Variants in FAM133A observed in about 807,000 individuals in gnomAD.
The protein encoded by FAM133A is protein FAM133A.
For synonymous variants in FAM133A, 65 were observed against 58.6 expected (o/e 1.11, Z -0.50); for missense variants, 159 against 164.4 (o/e 0.97, Z 0.18).
At chrX:93,677,852 A>T (rs191603026) in intron 2 of FAM133A, among the ~76,000 whole-genome samples, 222 of 111,935 alleles carry the variant, frequency 2.0e-3, no homozygotes, top group Non-Finnish European at 2.5e-3. Flanking sequence ...GGCTACTACA[A>T]ATAAGGCTGC....
chrX:93,675,182 A>G (rs1924592251), intron 2 of FAM133A, among the ~76,000 whole-genome samples: 4 of 111,968 alleles, frequency 3.6e-5, no homozygotes, highest in Admixed American at 9.5e-5. Context: ...AAAACAATAT[A>G]GAAAATTCCA....
chrX:93,693,175 A>G (rs1173708048), intron 2 of FAM133A, among the ~76,000 whole-genome samples: 1 of 111,463 alleles, frequency 9.0e-6, no homozygotes, highest in Non-Finnish European at 1.9e-5. Flanking sequence ...TTTCTGACAA[A>G]CTAATGACAT....
chrX:93,677,680 A>G, intron 2 of FAM133A, among the ~76,000 whole-genome samples: 1 of 111,985 alleles, frequency 8.9e-6, no homozygotes, highest in East Asian at 2.8e-4. Flanking sequence ...GGAATAATGT[A>G]GTATGTTCCT....
intron 2 of FAM133A, among the ~76,000 whole-genome samples, chrX:93,697,418 T>C (rs1926381121): frequency 9.1e-6 from 1 of 110,320 alleles, no homozygotes; most frequent in African/African-American, 3.3e-5. Context: ...ATATTTGTGG[T>C]ATTAAAAGTA....
chrX:93,679,747 CTTTT>C (rs752855592), intron 2 of FAM133A, among the ~76,000 whole-genome samples: 4 of 58,779 alleles, frequency 6.8e-5, no homozygotes, highest in African/African-American at 2.2e-4. Context: ...TGAAATGTGT[CTTTT>C]TTTTTTTTTT....
At chrX:93,699,876 G>A (rs893133505) in intron 3 of FAM133A, among the ~76,000 whole-genome samples, 1 of 110,777 alleles carries the variant, frequency 9.0e-6, no homozygotes, top group Admixed American at 9.7e-5. Context: ...ATATCTTAGA[G>A]CCTCCCCCCA....
intron 3 of FAM133A, among the ~76,000 whole-genome samples, chrX:93,700,355 A>G (rs1926608257): frequency 9.1e-6 from 1 of 110,435 alleles, no homozygotes; most frequent in Non-Finnish European, 1.9e-5. Context: ...GCCTTCTCTA[A>G]TACCAGTGTG....
chrX:93,690,245 C>A (rs753015520), intron 2 of FAM133A, among the ~76,000 whole-genome samples: 1 of 111,198 alleles, frequency 9.0e-6, no homozygotes, highest in African/African-American at 3.3e-5. Flanking sequence ...TAATTACATA[C>A]CATAAATTTC....
chrX:93,684,361 G>A lies in FAM133A; in HGVS notation c.-193+9609G>A, dbSNP rs140261024. ...TTTCTGTTCTGTTCTATTGAACTAC[G>A]TGCCTCTTTTTATGCCAGAAGTCAA... is the stretch of plus-strand genomic sequence containing the variant. On this transcript the variant is annotated intron_variant, in intron 2 of 3. Transcript: ENST00000683942. Among the ~76,000 whole-genome samples, 26 of 111,842 alleles carry A rather than the reference G, an allele frequency of 2.3e-4. No individual in the cohort carries two copies. The East Asian group carries it at 7.0e-3, about 30-fold the overall frequency.
chrX:93,698,160 A>G (rs980303400), intron 2 of FAM133A, among the ~76,000 whole-genome samples: 4 of 111,486 alleles, frequency 3.6e-5, no homozygotes, highest in African/African-American at 9.8e-5. Flanking sequence ...TATAGTAGAT[A>G]GTTGTTTACA....
rs191512062 is a variant in FAM133A, at chrX:93,680,844, C to A, written c.-193+6092C>A. Reference sequence around the variant, plus strand: ...CTTATATATTTTGAATATTTAACTCCTTATCATATGTTTGGTTTGCAAATA... The same window carrying A: ...CTTATATATTTTGAATATTTAACTCATTATCATATGTTTGGTTTGCAAATA... On this transcript the variant is annotated intron_variant, in intron 2 of 3. Transcript: ENST00000683942. 3.9e-3 allele frequency among the ~76,000 whole-genome samples: 439 copies of A among 111,399 alleles called. 1 individual carries two copies. The highest frequency in any genetic ancestry group is 0.014 in the African/African-American group (422 of 30,730).
chrX:93,702,680 G>A (rs904192739), intron 3 of FAM133A, among the ~76,000 whole-genome samples: 5 of 109,219 alleles, frequency 4.6e-5, no homozygotes, highest in Non-Finnish European at 9.5e-5. Context: ...TAATCTTAGA[G>A]TGGAGAAAAC....
chrX:93,696,624 A>G (rs1487451185), intron 2 of FAM133A, among the ~76,000 whole-genome samples: 7 of 111,723 alleles, frequency 6.3e-5, no homozygotes, highest in African/African-American at 2.3e-4. Flanking sequence ...GAAATTGCTT[A>G]AGAGTAGTAT....
At chrX:93,707,652 C>T (rs1433755137) in intron 3 of FAM133A, among the ~76,000 whole-genome samples, 1 of 110,997 alleles carries the variant, frequency 9.0e-6, no homozygotes, top group African/African-American at 3.3e-5. Context: ...CTCATGTTTC[C>T]TCTGCCAAGA....
intron 2 of FAM133A, among the ~76,000 whole-genome samples, chrX:93,692,560 G>C (rs1454216718): frequency 9.0e-6 from 1 of 111,655 alleles, no homozygotes; most frequent in African/African-American, 3.2e-5. Context: ...CAGTTACTGA[G>C]ATTGGCTTTG....
Position 93,711,051 on chromosome X carries a change from CTGA to C in FAM133A, c.*890_*892del, listed in dbSNP as rs1927418641. 8.1e-6 allele frequency: 1 copy of C among 122,766 alleles called. No homozygotes were observed. Among genetic ancestry groups the C allele is most frequent in the Non-Finnish European group, 1.9e-5 (1 of 53,152 alleles). The allele number at this position is 122,766 out of a possible 1,213,427, so 10.1% of individuals were successfully genotyped here. Reference sequence around the variant, plus strand: ...AATTATCTGACCATATTCTATATAACTGATGATCCTTTTTTAAGATATGATTTA... The same window carrying C: ...AATTATCTGACCATATTCTATATAACTGATCCTTTTTTAAGATATGATTTA... On this transcript the variant is annotated 3_prime_UTR_variant, in exon 4 of 4. Transcript: ENST00000683942.
intron 2 of FAM133A, among the ~76,000 whole-genome samples, chrX:93,693,871 T>C (rs765953452): frequency 1.8e-5 from 2 of 112,060 alleles, no homozygotes; most frequent in Admixed American, 9.5e-5. Context: ...TTTTGAAGTA[T>C]TTCCACAGTG....
chrX:93,696,874 C>A (rs1388411201), intron 2 of FAM133A, among the ~76,000 whole-genome samples: 1 of 108,161 alleles, frequency 9.2e-6, no homozygotes, highest in Non-Finnish European at 1.9e-5. Flanking sequence ...GAGCCGAGAT[C>A]GCGCCACTGC....
intron 3 of FAM133A, among the ~76,000 whole-genome samples, chrX:93,706,082 T>C (rs1927027082): frequency 8.9e-6 from 1 of 112,497 alleles, no homozygotes; most frequent in South Asian, 3.6e-4. Flanking sequence ...TAATGACTTC[T>C]TGATAGCTAA....
Sources: allele counts gnomAD v4.1 joint callset (sites outside exome capture counted in the v4.1 genomes callset), GRCh38; gene constraint gnomAD v4.1.1; transcripts MANE v1.5; gene names NCBI Gene and HGNC (gene_info 2026-07-23, HGNC 2026-07-21).